TSPAN18: variants seen among roughly 807,000 people sequenced by gnomAD.
TSPAN18 encodes tetraspanin-18.
TSPAN18 carries 14 observed loss-of-function variants against 27.3 expected under a neutral mutation model. The ratio of observed to expected loss-of-function variants is 0.51; its 90% CI spans 0.34 to 0.80. The LOEUF (loss-of-function observed/expected upper bound fraction) is 0.80. Among genes scored for constraint, TSPAN18 ranks in the 30% least tolerant of loss-of-function variants. TSPAN18 has a pLI of 0.01. For missense variants in TSPAN18, 268 were observed against 323.9 expected, an observed-to-expected ratio of 0.83 and a Z score of 1.32; for synonymous variants, 143 against 136.5, an observed-to-expected ratio of 1.05 and a Z score of -0.33.
chr11:44,787,272 T>C (rs1056674441), intron 2 of TSPAN18, among the ~76,000 whole-genome samples: 3 of 152,212 alleles, frequency 2.0e-5, no homozygotes, highest in African/African-American at 7.2e-5. Context: ...GGATTCCCAT[T>C]TTACAGATAA....
intron 8 of TSPAN18, among the ~76,000 whole-genome samples, chr11:44,922,950 A>G (rs1452053521): frequency 6.6e-6 from 1 of 152,136 alleles, no homozygotes; most frequent in Non-Finnish European, 1.5e-5. Flanking sequence ...CTCTACTAAA[A>G]ATACAAAAAT....
intron 3 of TSPAN18, chr11:44,885,884 T>G (rs1356043739): frequency 2.0e-5 from 3 of 152,254 alleles, no homozygotes; most frequent in Non-Finnish European, 4.4e-5. Context: ...TAGAATCAAT[T>G]GCAGTTGCCC....
intron 2 of TSPAN18, among the ~76,000 whole-genome samples, chr11:44,860,020 A>G (rs574449432): frequency 6.6e-6 from 1 of 152,322 alleles, no homozygotes; most frequent in East Asian, 1.9e-4. Context: ...AAATCATGAA[A>G]CATTTGCTGA....
intron 1 of TSPAN18, among the ~76,000 whole-genome samples, chr11:44,762,573 T>C (rs1319171339): frequency 6.6e-6 from 1 of 152,234 alleles, no homozygotes; most frequent in Non-Finnish European, 1.5e-5. Flanking sequence ...AATTTATATA[T>C]GTATAAATAA....
chr11:44,756,456 AG>A (rs1855335951), intron 1 of TSPAN18, among the ~76,000 whole-genome samples: 1 of 152,170 alleles, frequency 6.6e-6, no homozygotes, highest in Non-Finnish European at 1.5e-5. Flanking sequence ...TACACAGTTC[AG>A]TTATTTTAAA....
chr11:44,906,375 T>G, intron 3 of TSPAN18, 32 bp from the exon 4 acceptor site: 1 of 1,609,904 alleles, frequency 6.2e-7, no homozygotes, highest in Non-Finnish European at 8.5e-7. Context: ...GGGTCCCCCA[T>G]CGGGAAGACT....
chr11:44,799,200 C>A (rs1330152256), intron 2 of TSPAN18, among the ~76,000 whole-genome samples: 1 of 152,098 alleles, frequency 6.6e-6, no homozygotes, highest in Non-Finnish European at 1.5e-5. Context: ...GCCTGTCCAA[C>A]ATTCCTCAGC....
rs368834838 is a variant in TSPAN18, at chr11:44,897,003, G to A, written c.-10-9404G>A. 7.9e-5 allele frequency among the ~76,000 whole-genome samples: 12 copies of A among 152,192 alleles called. No homozygotes were observed. In the East Asian group the frequency reaches 1.7e-3, roughly 22 times the overall value. On this transcript the variant is annotated intron_variant, in intron 3 of 9. Coordinates refer to ENST00000520358, the MANE Select transcript of TSPAN18 (RefSeq NM_130783.5). ...CCCTTCACTGACCCCAGGCAGGCTC[G>A]TACTTGGAGGGATTTTGGATAGACA...
intron 2 of TSPAN18, among the ~76,000 whole-genome samples, chr11:44,837,017 AC>A (rs1210652746): frequency 2.0e-5 from 3 of 152,246 alleles, no homozygotes; most frequent in Non-Finnish European, 4.4e-5. Flanking sequence ...CTGCTAAGAC[AC>A]ATCTATTCTG....
chr11:44,916,393 G>A (rs567833938), intron 5 of TSPAN18, among the ~76,000 whole-genome samples: 1 of 152,140 alleles, frequency 6.6e-6, no homozygotes, highest in Non-Finnish European at 1.5e-5. Context: ...GAGCATCTGT[G>A]AGGAGGCCAG....
intron 3 of TSPAN18, among the ~76,000 whole-genome samples, chr11:44,862,426 C>T (rs943962811): frequency 3.9e-5 from 6 of 152,234 alleles, no homozygotes; most frequent in Middle Eastern, 3.2e-3. Context: ...CTCTGTGTCT[C>T]GCCTGTGGGC....
At chr11:44,802,851 TC>T (rs1856512921) in intron 2 of TSPAN18, among the ~76,000 whole-genome samples, 1 of 152,188 alleles carries the variant, frequency 6.6e-6, no homozygotes, top group African/African-American at 2.4e-5. Context: ...TCAGACCCAT[TC>T]CTTTTATTAT....
intron 1 of TSPAN18, among the ~76,000 whole-genome samples, chr11:44,756,500 A>G (rs942906718): frequency 3.3e-5 from 5 of 152,178 alleles, no homozygotes; most frequent in Admixed American, 3.3e-4. Context: ...CGTCCATGCC[A>G]TCCATCTCCA....
intron 3 of TSPAN18, among the ~76,000 whole-genome samples, chr11:44,867,389 C>CT (rs71038824): frequency 0.31 from 18,457 of 60,140 alleles, 6,072 homozygotes; most frequent in African/African-American, 0.51. Flanking sequence ...GTTTATGAAT[C>CT]TTTTTTTTTT....
At chr11:44,823,421 G>T (rs771813867) in intron 2 of TSPAN18, among the ~76,000 whole-genome samples, 5 of 152,230 alleles carry the variant, frequency 3.3e-5, no homozygotes, top group African/African-American at 1.2e-4. Flanking sequence ...TTCTCTCCTA[G>T]TGTGGCTGGG....
At chr11:44,744,722 G>T (rs1855030562) in intron 1 of TSPAN18, among the ~76,000 whole-genome samples, 1 of 152,154 alleles carries the variant, frequency 6.6e-6, no homozygotes, top group Admixed American at 6.5e-5. Flanking sequence ...GGTCAGGAGT[G>T]GATTTGGTTC....
chr11:44,869,706 A>G (rs904422938), intron 3 of TSPAN18, among the ~76,000 whole-genome samples: 2 of 152,228 alleles, frequency 1.3e-5, no homozygotes, highest in African/African-American at 4.8e-5. Context: ...CGCAGACCAC[A>G]GGATGCCCTG....
At chr11:44,810,977 A>G (rs1313109520) in intron 2 of TSPAN18, among the ~76,000 whole-genome samples, 1 of 152,146 alleles carries the variant, frequency 6.6e-6, no homozygotes, top group East Asian at 1.9e-4. Flanking sequence ...AGCATGTTAC[A>G]CTGTCATTTC....
intron 3 of TSPAN18, among the ~76,000 whole-genome samples, chr11:44,881,112 T>C (rs926300735): frequency 2.0e-5 from 3 of 152,228 alleles, no homozygotes; most frequent in Non-Finnish European, 4.4e-5. Flanking sequence ...CTTGAACAAG[T>C]AACTTAACCT....
Sources: allele counts gnomAD v4.1 joint callset (sites outside exome capture counted in the v4.1 genomes callset), GRCh38; gene constraint gnomAD v4.1.1; transcripts MANE v1.5; gene names NCBI Gene and HGNC (gene_info 2026-07-23, HGNC 2026-07-21).